COL1A1: variants seen among roughly 807,000 people sequenced by gnomAD.
COL1A1 encodes collagen alpha-1(I) chain.
COL1A1 carries 21 observed loss-of-function variants against 195.7 expected under a neutral mutation model. The observed-to-expected ratio is 0.11, with a 90% CI of 0.08 to 0.15. The LOEUF (loss-of-function observed/expected upper bound fraction) is 0.15. Ranked by LOEUF, COL1A1 falls within the 10% of genes least tolerant of loss-of-function variation. The pLI is 1.00. For missense variants in COL1A1, 1,365 were observed against 2,051.0 expected (o/e 0.67, Z 6.46); for synonymous variants, 749 against 747.3 (o/e 1.00, Z -0.04).
In COL1A1 at chr17:50,186,754, T is replaced by G; in HGVS notation, c.3700A>C (p.Thr1234Pro). The change falls in exon 48 of 51, where the codon ACC (threonine) becomes CCC (proline). Residue 1234 changes from threonine to proline, a missense_variant. By Grantham distance (38) the Thr-to-Pro change is conservative. Coordinates refer to ENST00000225964, the MANE Select transcript of COL1A1 (RefSeq NM_000088.4). This position sits in a 1 kb window ranked among gnomAD's most constrained non-coding sequence, Gnocchi z 5.3. ...VRDRDLEVDT[T>P]LKSLSQQIEN... ...ATCTGCTGGCTCAGGCTCTTGAGGG[T>G]GGTGTCCACCTCGAGGTCACGGTCA... 1 of 1,613,784 alleles carries G rather than the reference T, an allele frequency of 6.2e-7. No individual in the cohort carries two copies. The highest frequency in any genetic ancestry group is 8.5e-7 in the Non-Finnish European group (1 of 1,179,972).
rs572007575 is a variant in COL1A1 at position 50,185,314 on chromosome 17, C to G, written c.*188G>C. The G allele has an allele frequency of 1.4e-5, 4 of 282,220 alleles. No individual in the cohort carries two copies. The highest frequency in any genetic ancestry group is 3.6e-5 in the African/African-American group (1 of 27,500). 17.5% of individuals were successfully genotyped at this position (282,220 alleles called of 1,614,324 possible). On this transcript the variant is annotated 3_prime_UTR_variant, in exon 51 of 51. Coordinates refer to ENST00000225964, the MANE Select transcript of COL1A1 (RefSeq NM_000088.4). The stretch of plus-strand genomic sequence containing the variant: ...TGCACTTTTGGTTTTTGGTCATGTT[C>G]GGTTGGTCAAAGATAAAAACTAAGT...
chr17:50,197,682 C>T (rs1348339827), intron 9 of COL1A1, 50 bp downstream of exon 9: 2 of 1,472,786 alleles, frequency 1.4e-6, no homozygotes, highest in Non-Finnish European at 1.8e-6. Context: ...CAGGACCCAA[C>T]CCATGGAGGC....
At chr17:50,196,070 T>A (rs1230615128) in intron 15 of COL1A1, 85 bp downstream of exon 15, 3 of 1,606,670 alleles carry the variant, frequency 1.9e-6, no homozygotes, top group South Asian at 1.1e-5. Context: ...CAGACCAACA[T>A]AACCTGCTCC....
In COL1A1 at chr17:50,190,298, T is replaced by G; in HGVS notation, c.2451+29A>C. 2 of 1,518,154 alleles carry G rather than the reference T, an allele frequency of 1.3e-6. No individual in the cohort carries two copies. Among genetic ancestry groups the G allele is most frequent in the Non-Finnish European group, 1.8e-6 (2 of 1,099,454 alleles). 94.0% of individuals were successfully genotyped at this position (1,518,154 alleles called of 1,614,324 possible). A position where few individuals can be genotyped will look rare whatever the true frequency, so the allele number is the denominator to read the frequency against. ...CGAGGTCCCAGGTCCCAGTCGGTGA[T>G]GAAAAATGATGGGGGTCTTGGTACT... is the stretch of plus-strand genomic sequence containing the variant. On this transcript the variant is annotated intron_variant, in intron 35 of 50. Transcript: ENST00000225964. This position sits in a 1 kb window ranked among gnomAD's most constrained non-coding sequence, Gnocchi z 4.7.
rs1449408123 is a variant in COL1A1, at chr17:50,190,666, G to A, written c.2344-70C>T. ...ATACTCCTAGTAGATGACCCCAGGA[G>A]AGCCTCCCCTCCTTCTGGTCCCTCC... is the stretch of plus-strand genomic sequence containing the variant. On this transcript the variant is annotated intron_variant, in intron 33 of 50. Transcript: ENST00000225964. The surrounding 1 kb of genome is among the most constrained non-coding windows in gnomAD (Gnocchi z 4.7). 25 of 1,566,720 alleles carry A rather than the reference G, an allele frequency of 1.6e-5. No individual in the cohort carries two copies. The Admixed American group carries it at 3.2e-4, about 20-fold the overall frequency.
In COL1A1 at chr17:50,195,370, G is replaced by C; in HGVS notation, c.1201-40C>G. ...CAGCCAGGGCGTGAGCCTAGGAGCA[G>C]AGGGAAAGGGGCAGGCAGGCTGCAG... is the stretch of plus-strand genomic sequence containing the variant. On this transcript the variant is annotated intron_variant, in intron 18 of 50. Coordinates refer to ENST00000225964, the MANE Select transcript of COL1A1 (RefSeq NM_000088.4). The surrounding 1 kb of genome is among the most constrained non-coding windows in gnomAD (Gnocchi z 4.3). 6.2e-7 allele frequency: 1 copy of C among 1,613,814 alleles called. No individual in the cohort carries two copies. Among genetic ancestry groups the C allele is most frequent in the Non-Finnish European group, 8.5e-7 (1 of 1,179,720 alleles).
chr17:50,187,774 G>C (rs1230494368), intron 45 of COL1A1, 102 bp downstream of exon 45: 4 of 1,161,088 alleles, frequency 3.4e-6, no homozygotes, highest in Admixed American at 2.0e-5. Context: ...TCCCCACTAG[G>C]GAGGGGAAAG....
At chr17:50,197,553 G>C (rs930159906) in intron 9 of COL1A1, among the ~76,000 whole-genome samples, 179 bp downstream of exon 9, 4 of 152,174 alleles carry the variant, frequency 2.6e-5, no homozygotes, top group Non-Finnish European at 4.4e-5. Flanking sequence ...CACTTTGTTG[G>C]GGACATGGAA....
At position 50,189,887 on chromosome 17, in the gene COL1A1, T is replaced by C; in HGVS notation, c.2585A>G (p.Lys862Arg). The C allele has an allele frequency of 6.2e-7, 1 of 1,611,396 alleles. No homozygotes were observed. Among genetic ancestry groups the C allele is most frequent in the Non-Finnish European group, 8.5e-7 (1 of 1,178,892 alleles). The stretch of plus-strand genomic sequence containing the variant: ...GGGACCAGCGCTGCCGCGAGCACCT[T>C]TGGCTCCAGGAGCACCAACATTACC... Reference protein sequence around the residue: ...PIGNVGAPGAKGARGSAGPPG... With the variant: ...PIGNVGAPGARGARGSAGPPG... The change falls in exon 37 of 51, where the codon AAA (lysine) becomes AGA (arginine). Residue 862 changes from lysine (K) to arginine (R), a missense_variant. Coordinates refer to ENST00000225964, the MANE Select transcript of COL1A1 (RefSeq NM_000088.4). The surrounding 1 kb of genome is among the most constrained non-coding windows in gnomAD (Gnocchi z 5.5).
In COL1A1 at chr17:50,195,181, C is replaced by T. The variant is rs377415400; in HGVS notation, c.1299+51G>A. The T allele has an allele frequency of 7.5e-6, 12 of 1,601,832 alleles. No homozygotes were observed. Among genetic ancestry groups the T allele is most frequent in the African/African-American group, 6.7e-5 (5 of 74,730 alleles). ...GTCTTCCTGCTCCCCAGATGAGAGC[C>T]GCACTGGAGCCAGTGCATGGGGTGG... On this transcript the variant is annotated intron_variant, in intron 19 of 50. Transcript: ENST00000225964. The surrounding 1 kb of genome is among the most constrained non-coding windows in gnomAD (Gnocchi z 4.3).
chr17:50,191,628 C>G, intron 31 of COL1A1, 138 bp from the exon 32 acceptor site: 1 of 1,104,650 alleles, frequency 9.1e-7, no homozygotes, highest in Non-Finnish European at 1.3e-6. Context: ...AGACTCACAG[C>G]CCAGACTCCA....
At chr17:50,196,032 A>G in intron 15 of COL1A1, 56 bp from the exon 16 acceptor site, 1 of 1,601,558 alleles carries the variant, frequency 6.2e-7, no homozygotes, top group Non-Finnish European at 8.5e-7. Flanking sequence ...TGCAAGTCAC[A>G]CCCTGGGACA....
At position 50,188,086 on chromosome 17, in the gene COL1A1, G is replaced by A. The variant is rs752779091; in HGVS notation, c.3261+10C>T. 2.5e-6 allele frequency: 4 copies of A among 1,610,936 alleles called. No homozygotes were observed. In the South Asian group the frequency reaches 3.3e-5, roughly 13 times the overall value. ...TTCTAAAGGCATGGGGGACACAGCA[G>A]GGTACTTACGGCGGGGCCACGGGCG... On this transcript the variant is annotated intron_variant, in intron 44 of 50. Transcript: ENST00000225964. The surrounding 1 kb of genome is among the most constrained non-coding windows in gnomAD (Gnocchi z 5.6).
At position 50,191,884 on chromosome 17, in the gene COL1A1, G is replaced by A. The variant is rs542133917; in HGVS notation, c.2031C>T (p.Gly677=). 12 of 1,602,002 alleles carry A rather than the reference G, an allele frequency of 7.5e-6. No homozygotes were observed. Among genetic ancestry groups the A allele is most frequent in the East Asian group, 2.2e-5 (1 of 44,564 alleles). ...LGAPGPSGAR[G]ERGFPGERGV... is the part of the protein sequence containing the mutation. ...CACGCTCGCCAGGGAAACCTCTCTC[G>A]CCCTAGAAGGGAAGGACAGGGCATG... Residue 677 remains glycine (G), a splice_region_variant and synonymous_variant, in exon 31 of 51, where the codon GGC becomes GGT. Transcript: ENST00000225964.
Position 50,188,415 on chromosome 17 carries a change from A to T in COL1A1, c.3207+115T>A, listed in dbSNP as rs997569042. Reference sequence around the variant, plus strand: ...GATTAAGGCCCTGACATCTTGCAGGATCTCCTTTCCTCCCCCTGCCTGGGT... The same window carrying T: ...GATTAAGGCCCTGACATCTTGCAGGTTCTCCTTTCCTCCCCCTGCCTGGGT... On this transcript the variant is annotated intron_variant, in intron 43 of 50. Coordinates refer to ENST00000225964, the MANE Select transcript of COL1A1 (RefSeq NM_000088.4). The surrounding 1 kb of genome is among the most constrained non-coding windows in gnomAD (Gnocchi z 5.6). 2.7e-6 allele frequency: 3 copies of T among 1,100,274 alleles called. No individual in the cohort carries two copies. The highest frequency in any genetic ancestry group is 3.6e-5 in the Admixed American group (2 of 55,334). 68.2% of individuals were successfully genotyped at this position (1,100,274 alleles called of 1,614,324 possible).
intron 9 of COL1A1, 34 bp downstream of exon 9, chr17:50,197,698 G>T: frequency 6.5e-7 from 1 of 1,543,450 alleles, no homozygotes; most frequent in Non-Finnish European, 8.7e-7. Context: ...GAGGCCATGG[G>T]GTCAGATGGT....
At chr17:50,199,712 GGCCCCAGGCCCCAGGCCCCA>G (rs1194820840) in intron 2 of COL1A1, 21 bp downstream of exon 2, 9 of 219,160 alleles carry the variant, frequency 4.1e-5, no homozygotes, top group Non-Finnish European at 6.1e-5. Context: ...CCAGGCCCCA[GGCCCCAGGCCCCAGGCCCCA>G]GGCCCCGAGC....
In COL1A1 at chr17:50,199,743, G is replaced by T. The variant is rs1598301882; in HGVS notation, c.298+10C>A. 1.9e-6 allele frequency: 3 copies of T among 1,609,982 alleles called. No homozygotes were observed. In the East Asian group the frequency reaches 6.7e-5, roughly 36 times the overall value. The stretch of plus-strand genomic sequence containing the variant: ...AGGCCCCAGGCCCCAGGCCCCGAGC[G>T]CAGCCGCACCTGAGCCGTCGGGGCA... On this transcript the variant is annotated intron_variant, in intron 2 of 50. Coordinates refer to ENST00000225964, the MANE Select transcript of COL1A1 (RefSeq NM_000088.4).
rs193922149 is a variant in COL1A1 at position 50,190,327 on chromosome 17, AG to A, written c.2450del (p.Pro817LeufsTer291). The stretch of plus-strand genomic sequence containing the variant: ...AAATGATGGGGGTCTTGGTACTCAC[AG>A]GGGGGCCAGCAAAGCCAGCAGGGCC... ...PPGPAGFAGPPGADGQPGAKG... is the reference protein window; with the variant it reads ...PPGPAGFAGPXGADGQPGAKG... On this transcript the variant is annotated frameshift_variant and splice_region_variant, in exon 35 of 51. Coordinates refer to ENST00000225964, the MANE Select transcript of COL1A1 (RefSeq NM_000088.4). LOFTEE classifies it high-confidence loss of function. The surrounding 1 kb of genome is among the most constrained non-coding windows in gnomAD (Gnocchi z 4.7). 10 of 1,587,188 alleles carry A rather than the reference AG, an allele frequency of 6.3e-6. No homozygotes were observed. The highest frequency in any genetic ancestry group is 7.8e-6 in the Non-Finnish European group (9 of 1,155,896).
Sources: gnomAD v4.1 joint callset for allele counts (sites outside exome capture counted in the v4.1 genomes callset) on GRCh38, gnomAD v4.1.1 for gene constraint, Gnocchi (gnomAD v3.1) non-coding constraint, MANE v1.5 for transcripts, NCBI Gene and HGNC (gene_info 2026-07-23, HGNC 2026-07-21) for gene names.